Variants in DCAF5 observed in about 807,000 individuals in gnomAD.
DCAF5 encodes DDB1- and CUL4-associated factor 5.
DCAF5 carries 9 observed loss-of-function variants against 80.7 expected under a neutral mutation model. The ratio of observed to expected loss-of-function variants is 0.11; its 90% confidence interval spans 0.07 to 0.19. The LOEUF (loss-of-function observed/expected upper bound fraction) is 0.19, where lower values mean the gene tolerates loss of function less well. Ranked by LOEUF, DCAF5 falls within the 10% of genes least tolerant of loss-of-function variation. The pLI is 1.00. For missense variants in DCAF5, 842 were observed against 1,205.7 expected (o/e 0.70, Z 4.47); for synonymous variants, 433 against 461.9 (o/e 0.94, Z 0.80).
In DCAF5 at chr14:69,055,810, C is replaced by T. The variant is rs545248308; in HGVS notation, c.1075-199G>A. On this transcript the variant is annotated intron_variant, in intron 8 of 8. Transcript: ENST00000341516. This position sits in a 1 kb window ranked among gnomAD's most constrained non-coding sequence, Gnocchi z 5.6. ...GTATGAAAACTGAGGTTTTTAGAAT[C>T]AGATGTGGGGAAATGCATGGTCTAG... Among the ~76,000 whole-genome samples the T allele has an allele frequency of 1.2e-4, 18 of 152,284 alleles. 1 individual carries two copies. Among genetic ancestry groups the T allele is most frequent in the Non-Finnish European group, 2.2e-4 (15 of 68,018 alleles).
At chr14:69,123,421 T>TA (rs2040784256) in intron 1 of DCAF5, among the ~76,000 whole-genome samples, 1 of 152,202 alleles carries the variant, frequency 6.6e-6, no homozygotes, top group Admixed American at 6.5e-5. Flanking sequence ...TATGCTTGTA[T>TA]TTGCATAGCC....
chr14:69,144,725 A>G (rs2041485429), intron 1 of DCAF5, among the ~76,000 whole-genome samples: 1 of 152,240 alleles, frequency 6.6e-6, no homozygotes, highest in African/African-American at 2.4e-5. Flanking sequence ...AGAGTTGTAC[A>G]TGTGCTCCAG....
Position 69,153,111 on chromosome 14 carries a change from G to C in DCAF5, c.-133C>G, listed in dbSNP as rs1595081224. On this transcript the variant is annotated 5_prime_UTR_variant, in exon 1 of 9. Transcript: ENST00000341516. ...TCTTTAACCAGCCATGGCAGGCAGA[G>C]CGAGGTGTGCAGACACTCGGCGGCG... 1.5e-6 allele frequency: 1 copy of C among 675,066 alleles called. No individual in the cohort carries two copies. The highest frequency in any genetic ancestry group is 2.2e-6 in the Non-Finnish European group (1 of 446,348). The allele number at this position is 675,066 out of a possible 1,614,324, so 41.8% of individuals were successfully genotyped here.
At position 69,152,599 on chromosome 14, in the gene DCAF5, C is replaced by A. The variant is rs1595080345; in HGVS notation, c.214+166G>T. 4 of 604,106 alleles carry A rather than the reference C, an allele frequency of 6.6e-6. No homozygotes were observed. In the East Asian group the frequency reaches 1.1e-4, roughly 17 times the overall value. The allele number at this position is 604,106 out of a possible 1,614,324, so 37.4% of individuals were successfully genotyped here. A position where few individuals can be genotyped will look rare whatever the true frequency, so the allele number is the denominator to read the frequency against. On this transcript the variant is annotated intron_variant, in intron 1 of 8. Coordinates refer to ENST00000341516, the MANE Select transcript of DCAF5 (RefSeq NM_003861.3). The surrounding 1 kb of genome is among the most constrained non-coding windows in gnomAD (Gnocchi z 4.1). ...ATAGAAGACATCCTCTCCTTCCCCT[C>A]CCCCTGCAATGGTTTTAATTTGACA...
intron 1 of DCAF5, among the ~76,000 whole-genome samples, chr14:69,133,553 G>C (rs1031188033): frequency 3.3e-5 from 5 of 152,114 alleles, no homozygotes; most frequent in South Asian, 2.1e-4. Context: ...CAGGGAAGAG[G>C]CGGGGGTACA....
At chr14:69,071,098 C>A (rs2038675621) in intron 7 of DCAF5, among the ~76,000 whole-genome samples, 1 of 152,142 alleles carries the variant, frequency 6.6e-6, no homozygotes, top group South Asian at 2.1e-4. Flanking sequence ...GCACCCGGCC[C>A]CTTCCTTTAA....
chr14:69,073,955 T>C (rs896420963), intron 7 of DCAF5, among the ~76,000 whole-genome samples: 3 of 152,214 alleles, frequency 2.0e-5, no homozygotes, highest in Admixed American at 2.0e-4. Context: ...TTTGTTCAGG[T>C]AGACTACTGC....
chr14:69,075,280 G>C, intron 7 of DCAF5, 65 bp downstream of exon 7: 1 of 1,356,716 alleles, frequency 7.4e-7, no homozygotes, highest in South Asian at 1.3e-5. Flanking sequence ...TCCCCTCAGG[G>C]CACAGCATGC....
At chr14:69,069,556 C>G (rs1480152247) in intron 7 of DCAF5, among the ~76,000 whole-genome samples, 1 of 152,194 alleles carries the variant, frequency 6.6e-6, no homozygotes, top group East Asian at 1.9e-4. Context: ...TGCTCAGCCT[C>G]CTGAGCAACT....
chr14:69,151,316 T>C (rs2041696360), intron 1 of DCAF5, among the ~76,000 whole-genome samples: 1 of 152,100 alleles, frequency 6.6e-6, no homozygotes. Context: ...AGGTTTATCA[T>C]AAAATGATCA....
intron 5 of DCAF5, among the ~76,000 whole-genome samples, chr14:69,096,070 C>T (rs1315875138): frequency 6.6e-6 from 1 of 152,154 alleles, no homozygotes; most frequent in East Asian, 1.9e-4. Flanking sequence ...TATAATACAA[C>T]CCACAGAATA....
chr14:69,095,176 A>C (rs2039659671), intron 5 of DCAF5, among the ~76,000 whole-genome samples: 1 of 152,188 alleles, frequency 6.6e-6, no homozygotes, highest in South Asian at 2.1e-4. Flanking sequence ...CTATACAAAC[A>C]AGAATGCCTC....
intron 1 of DCAF5, among the ~76,000 whole-genome samples, chr14:69,126,978 G>C (rs2040897856): frequency 6.6e-6 from 1 of 152,182 alleles, no homozygotes; most frequent in South Asian, 2.1e-4. Context: ...AGAAAACCTA[G>C]ATGACACCAA....
intron 1 of DCAF5, among the ~76,000 whole-genome samples, chr14:69,139,826 CA>C (rs553940292): frequency 8.2e-3 from 454 of 55,192 alleles, no homozygotes; most frequent in African/African-American, 0.012. Flanking sequence ...GACCCTGTCT[CA>C]AAAAAAAAAA....
intron 5 of DCAF5, among the ~76,000 whole-genome samples, chr14:69,101,436 G>A (rs757756546): frequency 6.6e-6 from 1 of 152,216 alleles, no homozygotes; most frequent in Non-Finnish European, 1.5e-5. Flanking sequence ...ATAAGGGGAA[G>A]ATCTGCCAAG....
intron 6 of DCAF5, among the ~76,000 whole-genome samples, chr14:69,088,267 C>T (rs550713425): frequency 3.3e-5 from 5 of 152,258 alleles, no homozygotes; most frequent in Admixed American, 6.5e-5. Context: ...GGGTTCTAGC[C>T]CTGGTTTGCC....
At chr14:69,085,645 T>A (rs929440743) in intron 6 of DCAF5, among the ~76,000 whole-genome samples, 6 of 152,228 alleles carry the variant, frequency 3.9e-5, no homozygotes, top group African/African-American at 1.4e-4. Context: ...TGATATAATA[T>A]TTTAATTTTA....
intron 5 of DCAF5, among the ~76,000 whole-genome samples, chr14:69,099,731 T>C (rs1398250704): frequency 6.6e-6 from 1 of 151,986 alleles, no homozygotes; most frequent in Non-Finnish European, 1.5e-5. Flanking sequence ...TTGCTTGAGC[T>C]TAGGGGTTTG....
chr14:69,065,921 G>A (rs1001404953), intron 7 of DCAF5, among the ~76,000 whole-genome samples: 9 of 152,250 alleles, frequency 5.9e-5, no homozygotes, highest in African/African-American at 1.9e-4. Flanking sequence ...TTAAGACTGT[G>A]GGTAAGGGCC....
Sources: gnomAD v4.1 joint callset for allele counts (sites outside exome capture counted in the v4.1 genomes callset) on GRCh38, gnomAD v4.1.1 for gene constraint, Gnocchi (gnomAD v3.1) non-coding constraint, MANE v1.5 for transcripts, NCBI Gene and HGNC (gene_info 2026-07-23, HGNC 2026-07-21) for gene names.